HNF4G: variants seen among roughly 807,000 people sequenced by gnomAD.
HNF4G encodes hepatocyte nuclear factor 4 gamma, also known as hepatocyte nuclear factor 4-gamma.
In HNF4G, 21 loss-of-function variants were observed where a neutral mutation model predicts 50.9. That is an observed-to-expected ratio of 0.41 (90% CI 0.29 to 0.59). The LOEUF (loss-of-function observed/expected upper bound fraction) is 0.59, where lower values mean the gene tolerates loss of function less well. HNF4G is among the 20% of genes least tolerant of loss of function. The probability of loss-of-function intolerance (pLI) is 0.26; values close to 1 mark genes in which losing one functional copy is unlikely to be tolerated. For missense variants in HNF4G, 527 were observed against 559.4 expected, an observed-to-expected ratio of 0.94 and a Z score of 0.58; for synonymous variants, 198 against 185.6, an observed-to-expected ratio of 1.07 and a Z score of -0.54.
intron 1 of HNF4G, among the ~76,000 whole-genome samples, chr8:75,428,147 G>A (rs1279448057): frequency 6.6e-6 from 1 of 152,156 alleles, no homozygotes; most frequent in East Asian, 1.9e-4. Context: ...TAAAGGGAAG[G>A]TAGGAATATT....
At chr8:75,540,851 A>ATGTGTGTGTGTGTGTGTGTG (rs56799230) in intron 1 of HNF4G, among the ~76,000 whole-genome samples, 29 of 146,470 alleles carry the variant, frequency 2.0e-4, no homozygotes, top group Middle Eastern at 3.5e-3. Context: ...GAAAATGTGT[A>ATGTGTGTGTGTGTGTGTGTG]TGTGTGTGTG....
intron 2 of HNF4G, among the ~76,000 whole-genome samples, chr8:75,529,799 A>C (rs1217520237): frequency 4.6e-5 from 7 of 152,092 alleles, no homozygotes; most frequent in Admixed American, 3.3e-4. Context: ...ATTTTTTAAG[A>C]TTTTGAATTT....
At chr8:75,528,045 T>A (rs1806228262) in intron 2 of HNF4G, among the ~76,000 whole-genome samples, 1 of 152,238 alleles carries the variant, frequency 6.6e-6, no homozygotes, top group Admixed American at 6.5e-5. Flanking sequence ...ACCCTGTTCA[T>A]GTGAGAGTGC....
intron 2 of HNF4G, among the ~76,000 whole-genome samples, chr8:75,512,011 C>G (rs533667035): frequency 2.2e-4 from 34 of 152,160 alleles, no homozygotes; most frequent in African/African-American, 8.2e-4. Flanking sequence ...TTGGCCAGTG[C>G]AGAGGAATAC....
chr8:75,488,693 T>A (rs550276948), intron 1 of HNF4G, among the ~76,000 whole-genome samples: 2 of 152,202 alleles, frequency 1.3e-5, no homozygotes, highest in Non-Finnish European at 2.9e-5. Context: ...ATGAGAGAAC[T>A]GCGATTTACA....
chr8:75,504,579 G>C (rs1316619220), intron 2 of HNF4G, among the ~76,000 whole-genome samples: 1 of 152,046 alleles, frequency 6.6e-6, no homozygotes, highest in Non-Finnish European at 1.5e-5. Context: ...TTAATTATCT[G>C]CAACACATAA....
intron 1 of HNF4G, among the ~76,000 whole-genome samples, chr8:75,418,327 T>C (rs1047655773): frequency 2.6e-5 from 4 of 152,140 alleles, no homozygotes; most frequent in Non-Finnish European, 5.9e-5. Flanking sequence ...GGGTTAAGAC[T>C]TTAACATATG....
chr8:75,538,884 A>T (rs977117244), upstream of HNF4G, among the ~76,000 whole-genome samples: 6 of 152,208 alleles, frequency 3.9e-5, no homozygotes, highest in African/African-American at 1.4e-4. Context: ...CAGAGTATTC[A>T]TAAGGTTTGT....
Position 75,542,308 on chromosome 8 carries a change from A to AAAT in HNF4G, c.119-1492_119-1490dup, listed in dbSNP as rs1202254969. On this transcript the variant is annotated intron_variant, in intron 1 of 9. Coordinates refer to ENST00000396423, the MANE Select transcript of HNF4G (RefSeq NM_004133.5). ...TGACAAAGCAAGTCCCTGACTCAAA[A>AAAT]AATAATAATAATACTTAAAATAAGC... 2.0e-5 allele frequency among the ~76,000 whole-genome samples: 3 copies of AAAT among 151,998 alleles called. No individual in the cohort carries two copies. The East Asian group carries it at 5.8e-4, about 29-fold the overall frequency.
intron 4 of HNF4G, among the ~76,000 whole-genome samples, chr8:75,552,201 CA>C (rs1310660235): frequency 1.1e-4 from 17 of 152,028 alleles, no homozygotes; most frequent in Admixed American, 6.6e-5. Context: ...CAACTACTTT[CA>C]TTTTTGATAA....
rs113893796 is a variant in HNF4G at position 75,420,334 on chromosome 8, T to C, written c.-144+12172T>C. On this transcript the variant is annotated intron_variant, in intron 1 of 10. Transcript: ENST00000354370. ...CTTCAAGGAGGACATTCTTAAAACT[T>C]AAATAAGAATATGTTATCTTCCTGC... 2.8e-3 allele frequency among the ~76,000 whole-genome samples: 426 copies of C among 152,364 alleles called. 6 individuals carry two copies. Among genetic ancestry groups the C allele is most frequent in the African/African-American group, 9.8e-3 (407 of 41,596 alleles).
intron 2 of HNF4G, among the ~76,000 whole-genome samples, chr8:75,511,823 C>A (rs1805760833): frequency 6.6e-6 from 1 of 152,226 alleles, no homozygotes; most frequent in Non-Finnish European, 1.5e-5. Context: ...CGTGATCCAC[C>A]CGCCTCGGCC....
intron 1 of HNF4G, among the ~76,000 whole-genome samples, chr8:75,476,387 T>C (rs1284016719): frequency 6.6e-6 from 1 of 152,200 alleles, no homozygotes; most frequent in Non-Finnish European, 1.5e-5. Context: ...TGAACAGTGC[T>C]GCAATAAACA....
chr8:75,490,403 C>T (rs1181404082), intron 2 of HNF4G, among the ~76,000 whole-genome samples: 1 of 151,746 alleles, frequency 6.6e-6, no homozygotes, highest in Non-Finnish European at 1.5e-5. Flanking sequence ...TATGATCTTC[C>T]TTGCCCATAT....
Position 75,566,409 on chromosome 8 carries a change from T to C in HNF4G, c.*2313T>C, listed in dbSNP as rs1006229290. 9 of 152,548 alleles carry C rather than the reference T, an allele frequency of 5.9e-5. No individual in the cohort carries two copies. The highest frequency in any genetic ancestry group is 1.4e-4 in the African/African-American group (6 of 41,450). The allele number at this position is 152,548 out of a possible 1,614,324, so 9.4% of individuals were successfully genotyped here. ...TTTGAAGTATAAAAGATAAAATTCA[T>C]TTTTAGTGAACCCTGTAATTTATTC... On this transcript the variant is annotated 3_prime_UTR_variant, in exon 10 of 10. Transcript: ENST00000396423.
At chr8:75,536,437 A>C (rs1259393446), upstream of HNF4G, among the ~76,000 whole-genome samples, 1 of 152,010 alleles carries the variant, frequency 6.6e-6, no homozygotes, top group Non-Finnish European at 1.5e-5. Context: ...CTTAGGCATA[A>C]AATTAATATA....
chr8:75,515,979 G>A (rs1805876986), intron 2 of HNF4G, among the ~76,000 whole-genome samples: 1 of 152,126 alleles, frequency 6.6e-6, no homozygotes, highest in South Asian at 2.1e-4. Context: ...GGTCAGGCTG[G>A]TCTCGAACTC....
chr8:75,516,973 A>G (rs887049812), intron 2 of HNF4G, among the ~76,000 whole-genome samples: 2 of 152,142 alleles, frequency 1.3e-5, no homozygotes, highest in African/African-American at 4.8e-5. Context: ...GGTTTAATGG[A>G]ATCACAGTTC....
chr8:75,557,900 T>A (rs1320698336), intron 6 of HNF4G, among the ~76,000 whole-genome samples: 2 of 152,134 alleles, frequency 1.3e-5, no homozygotes, highest in Non-Finnish European at 2.9e-5. Context: ...AGGGAATAGG[T>A]GGTCCAGCTC....
Sources: allele counts gnomAD v4.1 joint callset (sites outside exome capture counted in the v4.1 genomes callset), GRCh38; gene constraint gnomAD v4.1.1; transcripts MANE v1.5; gene names NCBI Gene and HGNC (gene_info 2026-07-23, HGNC 2026-07-21).